Variants in PDE4D observed in about 807,000 individuals in gnomAD.
PDE4D encodes 3',5'-cyclic-AMP phosphodiesterase 4D.
A neutral mutation model predicts 87.4 loss-of-function variants in PDE4D; 24 were observed. The ratio of observed to expected loss-of-function variants is 0.27; its 90% CI spans 0.20 to 0.39. PDE4D has a LOEUF of 0.39. PDE4D is among the 10% of genes least tolerant of loss of function. The pLI is 1.00. For missense variants in PDE4D, 714 were observed against 1,041.0 expected (o/e 0.69, Z 4.32); for synonymous variants, 384 against 383.2 (o/e 1.00, Z -0.02).
chr5:60,038,556 T>C (rs1255596154), intron 2 of PDE4D, among the ~76,000 whole-genome samples: 2 of 152,070 alleles, frequency 1.3e-5, no homozygotes, highest in East Asian at 1.9e-4. Context: ...AGTCAGGTAG[T>C]GTGATGCCTC....
At chr5:59,180,489 A>T (rs977348955) in intron 5 of PDE4D, 106 bp downstream of exon 5, 15 of 872,156 alleles carry the variant, frequency 1.7e-5, no homozygotes, top group Non-Finnish European at 2.5e-5. Context: ...GAATTTCTTT[A>T]ACATTTTCAA....
At chr5:59,901,937 C>A (rs1208037227) in intron 3 of PDE4D, among the ~76,000 whole-genome samples, 1 of 70,552 alleles carries the variant, frequency 1.4e-5, no homozygotes, top group Non-Finnish European at 2.9e-5. Context: ...CACACACACA[C>A]ACACACACAC....
intron 2 of PDE4D, among the ~76,000 whole-genome samples, chr5:60,160,597 C>T (rs1400404500): frequency 6.6e-6 from 1 of 151,824 alleles, no homozygotes; most frequent in Non-Finnish European, 1.5e-5. Context: ...TTTATTAGTC[C>T]TTCCTTTCTA....
chr5:60,354,648 C>T (rs777078917), intron 1 of PDE4D, among the ~76,000 whole-genome samples: 4 of 152,154 alleles, frequency 2.6e-5, no homozygotes, highest in Non-Finnish European at 5.9e-5. Context: ...AAATCTAAGT[C>T]ACCACAATTG....
At chr5:59,242,055 T>C (rs1230919849) in intron 1 of PDE4D, among the ~76,000 whole-genome samples, 2 of 152,186 alleles carry the variant, frequency 1.3e-5, no homozygotes, top group Admixed American at 1.3e-4. Flanking sequence ...GATAACTATT[T>C]ATTGAATGAA....
chr5:60,046,404 T>A (rs1220546529), intron 2 of PDE4D, among the ~76,000 whole-genome samples: 3 of 152,224 alleles, frequency 2.0e-5, no homozygotes, highest in Admixed American at 6.5e-5. Flanking sequence ...CAACACTATG[T>A]TGAATAGGAG....
At chr5:58,999,256 A>G (rs1372604474) in intron 6 of PDE4D, among the ~76,000 whole-genome samples, 1 of 152,030 alleles carries the variant, frequency 6.6e-6, no homozygotes, top group Non-Finnish European at 1.5e-5. Context: ...CATATACCAC[A>G]TGACAAACAG....
At chr5:60,221,326 T>A (rs71627994) in intron 1 of PDE4D, among the ~76,000 whole-genome samples, 12,208 of 152,132 alleles carry the variant, frequency 0.08, 504 homozygotes, top group Non-Finnish European at 0.097. Flanking sequence ...AATATAAAAA[T>A]AAGATATTAT....
intron 1 of PDE4D, among the ~76,000 whole-genome samples, chr5:59,427,817 C>CAAAAAAAAAAAAA (rs11356537): frequency 1.5e-5 from 1 of 66,642 alleles, no homozygotes. Context: ...GACCCTGTCT[C>CAAAAAAAAAAAAA]AAAAAAAAAA....
At chr5:59,252,182 A>T (rs1423007761) in intron 1 of PDE4D, among the ~76,000 whole-genome samples, 1 of 152,160 alleles carries the variant, frequency 6.6e-6, no homozygotes, top group Non-Finnish European at 1.5e-5. Flanking sequence ...AATAAAAATT[A>T]AAAAAAGAAC....
chr5:59,797,397 C>T (rs999101562), intron 1 of PDE4D, among the ~76,000 whole-genome samples: 13 of 152,112 alleles, frequency 8.5e-5, no homozygotes, highest in Non-Finnish European at 1.5e-4. Context: ...AGGACCAGCT[C>T]GTTAGATGCT....
chr5:59,794,172 CACACACACAG>C (rs1766183500), intron 1 of PDE4D, among the ~76,000 whole-genome samples: 1 of 138,194 alleles, frequency 7.2e-6, no homozygotes, highest in Admixed American at 7.2e-5. Context: ...CACACACACA[CACACACACAG>C]ACAACTCTAG....
rs1582013659 is a variant in PDE4D at position 59,333,857 on chromosome 5, A to G, written c.456-117889T>C. Among the ~76,000 whole-genome samples the G allele has an allele frequency of 2.6e-5, 4 of 152,034 alleles. No homozygotes were observed. The East Asian group carries it at 7.7e-4, about 29-fold the overall frequency. The stretch of plus-strand genomic sequence containing the variant: ...CATATCCTAATTATATTTCATACAT[A>G]TCTTGAAACCCAGGTCAGTAATCTC... On this transcript the variant is annotated intron_variant, in intron 1 of 14. Transcript: ENST00000340635.
At chr5:59,796,630 T>C (rs1014960392) in intron 1 of PDE4D, among the ~76,000 whole-genome samples, 1 of 152,262 alleles carries the variant, frequency 6.6e-6, no homozygotes, top group Non-Finnish European at 1.5e-5. Context: ...GATAATTGCC[T>C]TATTAAAAAA....
At chr5:59,715,818 G>A (rs899298596) in intron 1 of PDE4D, among the ~76,000 whole-genome samples, 19 of 152,322 alleles carry the variant, frequency 1.2e-4, no homozygotes, top group Middle Eastern at 3.4e-3. Flanking sequence ...AAGTAAATTC[G>A]GGTAACATCA....
At chr5:60,198,903 C>T (rs1202241556) in intron 1 of PDE4D, among the ~76,000 whole-genome samples, 1 of 151,446 alleles carries the variant, frequency 6.6e-6, no homozygotes, top group South Asian at 2.1e-4. Context: ...TGCACTCTTC[C>T]CAGGATTGTT....
chr5:59,401,271 C>G (rs925985320), intron 1 of PDE4D, among the ~76,000 whole-genome samples: 6 of 151,872 alleles, frequency 4.0e-5, no homozygotes, highest in African/African-American at 1.5e-4. Flanking sequence ...ATAGAGATAT[C>G]CTGTCTCTAC....
intron 2 of PDE4D, among the ~76,000 whole-genome samples, chr5:60,107,746 GAAGAC>G (rs1777161951): frequency 1.3e-5 from 2 of 151,926 alleles, no homozygotes; most frequent in African/African-American, 4.8e-5. Flanking sequence ...AAACAGAACC[GAAGAC>G]AAAAACCACA....
At position 60,498,390 on chromosome 5, in the gene PDE4D, G is replaced by A. The variant is rs370587898; in HGVS notation, n.70+23661C>T. On this transcript the variant is annotated intron_variant and non_coding_transcript_variant, in intron 1 of 2. Coordinates refer to the PDE4D transcript ENST00000506510. ...AAGGACCCTTGCCAAAGGTGAATCC[G>A]AGCACAAGTTGAGTCCCCAGAGTGT... 4.6e-5 allele frequency among the ~76,000 whole-genome samples: 7 copies of A among 152,310 alleles called. No individual in the cohort carries two copies. In the East Asian group the frequency reaches 5.8e-4, roughly 13 times the overall value.
Sources: gnomAD v4.1 joint callset for allele counts (sites outside exome capture counted in the v4.1 genomes callset) on GRCh38, gnomAD v4.1.1 for gene constraint, MANE v1.5 for transcripts, NCBI Gene and HGNC (gene_info 2026-07-23, HGNC 2026-07-21) for gene names.